The following SGCZ variants were observed in gnomAD, a reference collection of about 807,000 sequenced individuals.
The protein encoded by SGCZ is zeta-sarcoglycan.
A neutral mutation model predicts 41.3 loss-of-function variants in SGCZ; 40 were observed. That is an observed-to-expected ratio of 0.97 (90% confidence interval 0.75 to 1.26). The LOEUF is 1.26. SGCZ is among the 50% of genes most tolerant of loss of function. SGCZ has a pLI of 0.00. For synonymous variants in SGCZ, 206 were observed against 137.5 expected (o/e 1.50, Z -3.49); for missense variants, 552 against 369.8 (o/e 1.49, Z -4.04).
At chr8:14,507,361 T>A (rs1053986569) in intron 2 of SGCZ, among the ~76,000 whole-genome samples, 2 of 152,166 alleles carry the variant, frequency 1.3e-5, no homozygotes, top group African/African-American at 4.8e-5. Context: ...GCCTGTATAA[T>A]TAAAATCTTC....
At chr8:14,383,600 A>C (rs1205353948) in intron 2 of SGCZ, among the ~76,000 whole-genome samples, 1 of 152,260 alleles carries the variant, frequency 6.6e-6, no homozygotes, top group East Asian at 1.9e-4. Flanking sequence ...TGCTCCCAGG[A>C]GGTAAAGATC....
chr8:15,022,998 T>G (rs1256845900), intron 1 of SGCZ, among the ~76,000 whole-genome samples: 1 of 152,164 alleles, frequency 6.6e-6, no homozygotes, highest in Non-Finnish European at 1.5e-5. Flanking sequence ...CTAAATGACC[T>G]TAAACTACTG....
At chr8:14,198,611 G>A (rs113603765) in intron 4 of SGCZ, among the ~76,000 whole-genome samples, 5 of 151,968 alleles carry the variant, frequency 3.3e-5, no homozygotes, top group Admixed American at 1.3e-4. Context: ...AAAAAAAGAG[G>A]AAAAAAAGAA....
At chr8:14,530,784 T>C (rs1483525422) in intron 2 of SGCZ, among the ~76,000 whole-genome samples, 1 of 152,116 alleles carries the variant, frequency 6.6e-6, no homozygotes, top group Non-Finnish European at 1.5e-5. Context: ...GAAGCTCAAG[T>C]CCGACATGAG....
chr8:14,579,234 A>G (rs1804808750), intron 1 of SGCZ, among the ~76,000 whole-genome samples: 1 of 152,200 alleles, frequency 6.6e-6, no homozygotes, highest in African/African-American at 2.4e-5. Context: ...TGAATGCTTT[A>G]CTAAATCAGT....
intron 2 of SGCZ, among the ~76,000 whole-genome samples, chr8:14,328,642 A>G (rs915711625): frequency 1.3e-5 from 2 of 152,008 alleles, no homozygotes; most frequent in African/African-American, 4.8e-5. Context: ...AAGAGAAACT[A>G]TCTTTGAACT....
Position 14,434,462 on chromosome 8 carries a change from T to C in SGCZ, c.235-110258A>G, listed in dbSNP as rs540211273. On this transcript the variant is annotated intron_variant, in intron 2 of 7. Coordinates refer to ENST00000382080, the MANE Select transcript of SGCZ (RefSeq NM_139167.4). ...TTAGACCATGTCGGCTGTTTTTGGG[T>C]TCCATATGAATTTTAGGATTGCTTT... Among the ~76,000 whole-genome samples the C allele has an allele frequency of 1.9e-3, 294 of 152,302 alleles. 3 individuals carry two copies. Among genetic ancestry groups the C allele is most frequent in the Non-Finnish European group, 2.8e-3 (191 of 68,018 alleles).
chr8:14,873,990 G>A (rs1323643226), intron 1 of SGCZ, among the ~76,000 whole-genome samples: 1 of 152,028 alleles, frequency 6.6e-6, no homozygotes, highest in African/African-American at 2.4e-5. Flanking sequence ...CATAGGATTA[G>A]CAACATTATG....
At chr8:14,145,033 C>G (rs1803480383) in intron 5 of SGCZ, among the ~76,000 whole-genome samples, 1 of 152,174 alleles carries the variant, frequency 6.6e-6, no homozygotes, top group Non-Finnish European at 1.5e-5. Flanking sequence ...ACCTCTGGAT[C>G]TACCTGAGGC....
At chr8:14,442,842 TG>T (rs1291010196) in intron 2 of SGCZ, among the ~76,000 whole-genome samples, 1 of 152,186 alleles carries the variant, frequency 6.6e-6, no homozygotes, top group East Asian at 1.9e-4. Context: ...CTTTAAGCTC[TG>T]TTATTATTGT....
At chr8:14,710,247 G>A (rs1371406252) in intron 1 of SGCZ, among the ~76,000 whole-genome samples, 2 of 151,834 alleles carry the variant, frequency 1.3e-5, no homozygotes, top group East Asian at 1.9e-4. Context: ...GCAGGCGCCT[G>A]TAGTCCCCAC....
chr8:14,680,835 A>C (rs771799075), intron 1 of SGCZ, among the ~76,000 whole-genome samples: 2 of 152,046 alleles, frequency 1.3e-5, no homozygotes, highest in Non-Finnish European at 2.9e-5. Context: ...ATGAAAATAC[A>C]GTGTCTTAGA....
intron 1 of SGCZ, among the ~76,000 whole-genome samples, chr8:14,686,616 T>G (rs1808619829): frequency 6.6e-6 from 1 of 152,084 alleles, no homozygotes. Context: ...TGGCTATTAT[T>G]AAGTAGAAGC....
intron 4 of SGCZ, among the ~76,000 whole-genome samples, chr8:14,209,419 G>C (rs1052613203): frequency 6.6e-6 from 1 of 151,926 alleles, no homozygotes; most frequent in Non-Finnish European, 1.5e-5. Context: ...TTCTTGGTGT[G>C]AGACAGGAAC....
intron 1 of SGCZ, among the ~76,000 whole-genome samples, chr8:14,969,620 T>C (rs1801229032): frequency 6.6e-6 from 1 of 152,002 alleles, no homozygotes; most frequent in Non-Finnish European, 1.5e-5. Flanking sequence ...TTGACTTTTA[T>C]ATAAATGGAA....
chr8:14,338,695 A>G (rs1427876348), intron 2 of SGCZ, among the ~76,000 whole-genome samples: 1 of 152,174 alleles, frequency 6.6e-6, no homozygotes, highest in Non-Finnish European at 1.5e-5. Context: ...TACATTATTT[A>G]GTGTTTATTT....
chr8:14,552,692 A>G (rs972534916), intron 2 of SGCZ, among the ~76,000 whole-genome samples: 1 of 152,070 alleles, frequency 6.6e-6, no homozygotes, highest in African/African-American at 2.4e-5. Flanking sequence ...CTGAGGACAC[A>G]GGTGACTGTG....
At chr8:14,522,832 C>T (rs1199359138) in intron 2 of SGCZ, among the ~76,000 whole-genome samples, 1 of 151,590 alleles carries the variant, frequency 6.6e-6, no homozygotes, top group Non-Finnish European at 1.5e-5. Flanking sequence ...CATATGGGAT[C>T]TTTTTTCTAA....
intron 1 of SGCZ, among the ~76,000 whole-genome samples, chr8:15,130,615 T>G (rs1283822483): frequency 2.0e-5 from 3 of 152,248 alleles, no homozygotes; most frequent in Non-Finnish European, 4.4e-5. Context: ...ATCACTCGTT[T>G]ATTTACTTCA....
Sources: gnomAD v4.1 joint callset for allele counts (sites outside exome capture counted in the v4.1 genomes callset) on GRCh38, gnomAD v4.1.1 for gene constraint, MANE v1.5 for transcripts, NCBI Gene and HGNC (gene_info 2026-07-23, HGNC 2026-07-21) for gene names.